The following SLCO1A2 variants were observed in gnomAD, a reference collection of about 807,000 sequenced individuals.
SLCO1A2 encodes the protein solute carrier organic anion transporter family member 1A2.
In SLCO1A2, 67 loss-of-function variants were observed where a neutral mutation model predicts 69.0. That is an observed-to-expected ratio of 0.97 (90% confidence interval 0.80 to 1.19). SLCO1A2 has a LOEUF of 1.19. Ranked by LOEUF, SLCO1A2 falls within the 50% of genes most tolerant of loss-of-function variation. The pLI is 0.00. For synonymous variants in SLCO1A2, 260 were observed against 265.9 expected, an observed-to-expected ratio of 0.98 and a Z score of 0.22; for missense variants, 787 against 793.7, an observed-to-expected ratio of 0.99 and a Z score of 0.10.
At chr12:21,377,914 A>T (rs1004454434) in intron 1 of SLCO1A2, among the ~76,000 whole-genome samples, 1 of 152,164 alleles carries the variant, frequency 6.6e-6, no homozygotes, top group African/African-American at 2.4e-5. Flanking sequence ...ATTAAAAATA[A>T]ATTCTTCAAG....
At chr12:21,378,587 A>G (rs1261152977) in intron 1 of SLCO1A2, 12 of 576,566 alleles carry the variant, frequency 2.1e-5, no homozygotes, top group Non-Finnish European at 3.7e-5. Context: ...TGTAGTACTA[A>G]CTAAGGTCCC....
intron 1 of SLCO1A2, among the ~76,000 whole-genome samples, chr12:21,403,122 T>C (rs1264198800): frequency 1.3e-5 from 2 of 152,098 alleles, no homozygotes; most frequent in Non-Finnish European, 2.9e-5. Context: ...AACAACATTA[T>C]CCGGAATCAT....
chr12:21,362,845 C>A (rs976685097), intron 2 of SLCO1A2, among the ~76,000 whole-genome samples: 1 of 152,178 alleles, frequency 6.6e-6, no homozygotes, highest in Non-Finnish European at 1.5e-5. Flanking sequence ...GAAGAGCTAA[C>A]TATCCTAAAT....
chr12:21,386,603 A>G (rs1228900022), intron 1 of SLCO1A2, among the ~76,000 whole-genome samples: 1 of 152,104 alleles, frequency 6.6e-6, no homozygotes, highest in Non-Finnish European at 1.5e-5. Flanking sequence ...ACCTTCTGCC[A>G]TGATTGTGTG....
At chr12:21,322,861 T>C (rs1951803768) in intron 2 of SLCO1A2, among the ~76,000 whole-genome samples, 1 of 152,132 alleles carries the variant, frequency 6.6e-6, no homozygotes, top group Admixed American at 6.5e-5. Context: ...CAGAATTTTA[T>C]TTTTGCTTTA....
At chr12:21,290,008 AGT>A (rs142813630) in intron 12 of SLCO1A2, among the ~76,000 whole-genome samples, 15 of 148,408 alleles carry the variant, frequency 1.0e-4, no homozygotes, top group Non-Finnish European at 1.8e-4. Context: ...TGTTTTTCTC[AGT>A]GTGTGTGTGT....
At chr12:21,400,621 C>T (rs952444298) in intron 1 of SLCO1A2, among the ~76,000 whole-genome samples, 2 of 151,030 alleles carry the variant, frequency 1.3e-5, no homozygotes, top group Non-Finnish European at 3.0e-5. Context: ...AGACTTGGAA[C>T]CAACCCAAAT....
chr12:21,302,876 G>T (rs547905490), intron 6 of SLCO1A2, among the ~76,000 whole-genome samples: 1 of 151,998 alleles, frequency 6.6e-6, no homozygotes, highest in South Asian at 2.1e-4. Context: ...GTTTTTAGTA[G>T]AGACGGGGTT....
At chr12:21,362,674 G>T (rs12308945) in intron 2 of SLCO1A2, among the ~76,000 whole-genome samples, 2 of 151,910 alleles carry the variant, frequency 1.3e-5, no homozygotes, top group African/African-American at 4.8e-5. Flanking sequence ...GCAGAGACAC[G>T]CATAGGCTCA....
chr12:21,398,281 G>C (rs1467388420), upstream of SLCO1A2, among the ~76,000 whole-genome samples: 2 of 151,152 alleles, frequency 1.3e-5, no homozygotes, highest in Non-Finnish European at 3.0e-5. Context: ...TAGAAGAAAT[G>C]GATAAATTCC....
At chr12:21,298,207 C>T (rs1375055626) in intron 8 of SLCO1A2, among the ~76,000 whole-genome samples, 1 of 152,102 alleles carries the variant, frequency 6.6e-6, no homozygotes, top group African/African-American at 2.4e-5. Context: ...CTCAGAGATG[C>T]TGATTCATTT....
upstream of SLCO1A2, chr12:21,419,039 C>A (rs1219962272): frequency 6.6e-6 from 1 of 152,006 alleles, no homozygotes; most frequent in African/African-American, 2.4e-5. Flanking sequence ...CTATGTGAGG[C>A]TAATAATTCA....
intron 1 of SLCO1A2, among the ~76,000 whole-genome samples, chr12:21,392,805 T>C (rs1941228481): frequency 1.3e-5 from 2 of 152,222 alleles, no homozygotes; most frequent in Non-Finnish European, 2.9e-5. Flanking sequence ...TACATGAACA[T>C]GAATAGTTTT....
upstream of SLCO1A2, among the ~76,000 whole-genome samples, chr12:21,338,373 G>A (rs537554601): frequency 3.3e-5 from 5 of 151,676 alleles, no homozygotes; most frequent in South Asian, 1.0e-3. Flanking sequence ...ACATCCCCCG[G>A]AACCCCCCAG....
intron 1 of SLCO1A2, among the ~76,000 whole-genome samples, chr12:21,404,423 T>G (rs1941789175): frequency 6.6e-6 from 1 of 152,096 alleles, no homozygotes; most frequent in South Asian, 2.1e-4. Context: ...TTTGTGTTGG[T>G]CCCCTCCCTG....
chr12:21,275,493 G>C, intron 12 of SLCO1A2, 69 bp from the exon 13 acceptor site: 2 of 1,297,162 alleles, frequency 1.5e-6, no homozygotes, highest in Non-Finnish European at 2.0e-6. Context: ...GTCTTGAAAA[G>C]GCCAGTTGTA....
intron 4 of SLCO1A2, among the ~76,000 whole-genome samples, chr12:21,308,713 T>A (rs1285321609): frequency 6.6e-6 from 1 of 152,230 alleles, no homozygotes; most frequent in Non-Finnish European, 1.5e-5. Flanking sequence ...GATTGAAGAA[T>A]TCCTGTCTAG....
At chr12:21,339,781 GTACT>G (rs1953007735), upstream of SLCO1A2, among the ~76,000 whole-genome samples, 1 of 151,830 alleles carries the variant, frequency 6.6e-6, no homozygotes, top group Non-Finnish European at 1.5e-5. Context: ...TCTCACACCA[GTACT>G]TCCCACTGAC....
Position 21,267,484 on chromosome 12 carries a change from A to T in SLCO1A2, c.*2064T>A, listed in dbSNP as rs1942200697. On this transcript the variant is annotated 3_prime_UTR_variant, in exon 15 of 15. Coordinates refer to ENST00000683939, the MANE Select transcript of SLCO1A2 (RefSeq NM_001386879.1). ...GCCTAATTTTGACACTCACTGTTTC[A>T]CCAACACTATCTGCCTTGAATCCGT... The T allele has an allele frequency of 6.6e-6, 1 of 152,138 alleles. No individual in the cohort carries two copies. The highest frequency in any genetic ancestry group is 2.1e-4 in the South Asian group (1 of 4,830). The allele number at this position is 152,138 out of a possible 1,614,324, so 9.4% of individuals were successfully genotyped here.
Sources: gnomAD v4.1 joint callset for allele counts (sites outside exome capture counted in the v4.1 genomes callset) on GRCh38, gnomAD v4.1.1 for gene constraint, MANE v1.5 for transcripts, NCBI Gene and HGNC (gene_info 2026-07-23, HGNC 2026-07-21) for gene names.